SPATA18: variants seen among roughly 807,000 people sequenced by gnomAD.
SPATA18 encodes spermatogenesis associated 18.
SPATA18 carries 54 observed loss-of-function variants against 68.1 expected under a neutral mutation model. That is an observed-to-expected ratio of 0.79 (90% CI 0.64 to 0.99). The LOEUF (loss-of-function observed/expected upper bound fraction) is 0.99. Among genes scored for constraint, SPATA18 ranks in the 50% least tolerant of loss-of-function variants. SPATA18 has a pLI of 0.00. For missense variants in SPATA18, 724 were observed against 681.1 expected (o/e 1.06, Z -0.70); for synonymous variants, 242 against 244.8 (o/e 0.99, Z 0.11).
At chr4:52,068,372 G>A (rs1432117973) in intron 4 of SPATA18, among the ~76,000 whole-genome samples, 3 of 152,062 alleles carry the variant, frequency 2.0e-5, no homozygotes, top group Admixed American at 1.3e-4. Context: ...AACTGTTTAG[G>A]TACTGGGGAT....
chr4:52,096,083 A>G lies in SPATA18; in HGVS notation c.*1196A>G, dbSNP rs1245074486. Reference sequence around the variant, plus strand: ...CAGCACCTGATGCTTTTCAGGTGAAAATAAAACAAACAGCTTCTCTAAAGC... The same window carrying G: ...CAGCACCTGATGCTTTTCAGGTGAAGATAAAACAAACAGCTTCTCTAAAGC... On this transcript the variant is annotated 3_prime_UTR_variant, in exon 13 of 13. Transcript: ENST00000295213. 6.6e-6 allele frequency: 1 copy of G among 152,180 alleles called. No homozygotes were observed. The highest frequency in any genetic ancestry group is 1.5e-5 in the Non-Finnish European group (1 of 68,042). The allele number at this position is 152,180 out of a possible 1,614,324, so 9.4% of individuals were successfully genotyped here. A position where few individuals can be genotyped will look rare whatever the true frequency, so the allele number is the denominator to read the frequency against.
At position 52,076,723 on chromosome 4, in the gene SPATA18, C is replaced by T. The variant is rs1197715417; in HGVS notation, c.759-56C>T. 37 of 1,592,586 alleles carry T rather than the reference C, an allele frequency of 2.3e-5. No individual in the cohort carries two copies. In the Admixed American group the frequency reaches 5.8e-4, roughly 25 times the overall value. On this transcript the variant is annotated intron_variant, in intron 6 of 12. Transcript: ENST00000295213. ...TTCATTGGCCACCAGATGATCTTTGCTTTACTTAAGAAGCAAATCAAAGGA... is the reference window on the plus strand; with the variant it reads ...TTCATTGGCCACCAGATGATCTTTGTTTTACTTAAGAAGCAAATCAAAGGA...
intron 1 of SPATA18, among the ~76,000 whole-genome samples, chr4:52,053,049 G>A (rs1738035858): frequency 6.6e-6 from 1 of 152,134 alleles, no homozygotes; most frequent in Non-Finnish European, 1.5e-5. Flanking sequence ...CTACTACTTA[G>A]TCTCAGGAGG....
intron 6 of SPATA18, among the ~76,000 whole-genome samples, chr4:52,072,873 A>T (rs973561354): frequency 6.6e-6 from 1 of 152,192 alleles, no homozygotes; most frequent in Non-Finnish European, 1.5e-5. Flanking sequence ...TTTCCCTTTT[A>T]TATCTGACTT....
chr4:52,084,272 C>G (rs534097045), intron 10 of SPATA18, among the ~76,000 whole-genome samples: 7 of 152,256 alleles, frequency 4.6e-5, no homozygotes, highest in African/African-American at 1.7e-4. Context: ...CTTCCTTCTT[C>G]TCTCCCATCA....
intron 11 of SPATA18, among the ~76,000 whole-genome samples, 188 bp downstream of exon 11, chr4:52,085,187 G>A (rs1052532696): frequency 6.6e-6 from 1 of 152,070 alleles, no homozygotes; most frequent in Non-Finnish European, 1.5e-5. Context: ...CTAGAAAGGA[G>A]TAGAGTTTTA....
Position 52,072,050 on chromosome 4 carries a change from G to T in SPATA18, c.652G>T (p.Ala218Ser). Reference sequence around the variant, plus strand: ...GCAGTGGAACTCACTCAAGCAGAATGCAGACCAGCAGGACACAGAAGCCAT... The same window carrying T: ...GCAGTGGAACTCACTCAAGCAGAATTCAGACCAGCAGGACACAGAAGCCAT... ...REQWNSLKQNADQQDTEAMSD... is the reference protein window; with the variant it reads ...REQWNSLKQNSDQQDTEAMSD... The change falls in exon 6 of 13, where the codon GCA becomes TCA. Residue 218 changes from alanine (A) to serine (S), a missense_variant. By Grantham distance (99) the Ala-to-Ser change is moderately conservative (BLOSUM62 1). Coordinates refer to ENST00000295213, the MANE Select transcript of SPATA18 (RefSeq NM_145263.4). The T allele has an allele frequency of 6.2e-7, 1 of 1,613,964 alleles. No homozygotes were observed. Among genetic ancestry groups the T allele is most frequent in the Non-Finnish European group, 8.5e-7 (1 of 1,180,014 alleles).
Position 52,071,959 on chromosome 4 carries a change from C to G in SPATA18, c.561C>G (p.Asn187Lys). ...CTCAGGAGGATGCCCGCCACAGAAA[C>G]ACAGATCAGAGGAGCTCAGAGAATA... ...LQAQEDARHR[N>K]TDQRSSENRR... is the part of the protein sequence containing the mutation. Residue 187 changes from asparagine to lysine, a missense_variant, in exon 6 of 13, where the codon AAC becomes AAG. Coordinates refer to ENST00000295213, the MANE Select transcript of SPATA18 (RefSeq NM_145263.4). The G allele has an allele frequency of 6.2e-7, 1 of 1,613,780 alleles. No homozygotes were observed. The highest frequency in any genetic ancestry group is 8.5e-7 in the Non-Finnish European group (1 of 1,179,946).
At chr4:52,071,159 C>T (rs1167702643) in intron 5 of SPATA18, among the ~76,000 whole-genome samples, 1 of 152,186 alleles carries the variant, frequency 6.6e-6, no homozygotes, top group East Asian at 1.9e-4. Flanking sequence ...TCTATTATAT[C>T]TTTAGCTTCT....
Position 52,076,815 on chromosome 4 carries a change from C to A in SPATA18, c.795C>A (p.Arg265=). The A allele has an allele frequency of 6.2e-7, 1 of 1,614,154 alleles. No homozygotes were observed. Among genetic ancestry groups the A allele is most frequent in the Non-Finnish European group, 8.5e-7 (1 of 1,179,994 alleles). Residue 265 remains arginine, a synonymous_variant, in exon 7 of 13, where the codon CGC becomes CGA. Transcript: ENST00000295213. The part of the protein sequence containing the change: ...SRSRSPSPAP[R]SRSCSRSRSA... ...GCCGGTCTCCCAGCCCTGCCCCTCGCAGCCGTAGCTGCAGCCGCAGCAGAT... is the reference window on the plus strand; with the variant it reads ...GCCGGTCTCCCAGCCCTGCCCCTCGAAGCCGTAGCTGCAGCCGCAGCAGAT...
At chr4:52,084,501 T>G (rs1741247962) in intron 10 of SPATA18, among the ~76,000 whole-genome samples, 1 of 152,316 alleles carries the variant, frequency 6.6e-6, no homozygotes, top group South Asian at 2.1e-4. Context: ...CCAATGATAT[T>G]TATTTATTCA....
At chr4:52,090,765 T>C (rs1741868393) in intron 11 of SPATA18, among the ~76,000 whole-genome samples, 1 of 152,178 alleles carries the variant, frequency 6.6e-6, no homozygotes, top group Non-Finnish European at 1.5e-5. Context: ...TTATGTGTCT[T>C]GGGGTTGCTC....
intron 10 of SPATA18, 30 bp from the exon 11 acceptor site, chr4:52,084,886 A>G (rs2109512702): frequency 6.2e-7 from 1 of 1,604,044 alleles, no homozygotes; most frequent in East Asian, 2.2e-5. Context: ...ACTCCTGACT[A>G]TGTCTCTCTC....
intron 9 of SPATA18, among the ~76,000 whole-genome samples, chr4:52,080,634 G>C (rs569397111): frequency 3.3e-5 from 5 of 152,236 alleles, no homozygotes; most frequent in African/African-American, 1.2e-4. Flanking sequence ...AAGCTGCTTA[G>C]GTTCAAATTT....
chr4:52,095,198 A>T lies in SPATA18; in HGVS notation c.*311A>T, dbSNP rs1021829365. The T allele has an allele frequency of 9.5e-6, 4 of 422,850 alleles. No homozygotes were observed. The highest frequency in any genetic ancestry group is 1.7e-5 in the Non-Finnish European group (4 of 238,442). The allele number at this position is 422,850 out of a possible 1,614,324, so 26.2% of individuals were successfully genotyped here. A position where few individuals can be genotyped will look rare whatever the true frequency, so the allele number is the denominator to read the frequency against. ...TTCAAGATTTCCATCTCAAAACACT[A>T]CGCTCTTTTATGGGAACTGTGTGAA... is the stretch of plus-strand genomic sequence containing the variant. On this transcript the variant is annotated 3_prime_UTR_variant, in exon 13 of 13. Coordinates refer to ENST00000295213, the MANE Select transcript of SPATA18 (RefSeq NM_145263.4).
rs2109391866 is a variant in SPATA18, at chr4:52,051,527, G to A, written c.-178G>A. The A allele has an allele frequency of 3.1e-6, 2 of 635,226 alleles. No individual in the cohort carries two copies. Among genetic ancestry groups the A allele is most frequent in the Non-Finnish European group, 2.8e-6 (1 of 363,026 alleles). 39.3% of individuals were successfully genotyped at this position (635,226 alleles called of 1,614,324 possible). On this transcript the variant is annotated 5_prime_UTR_variant, in exon 1 of 13. Transcript: ENST00000295213. The stretch of plus-strand genomic sequence containing the variant: ...CTGCGGCCCAGGGCACCTCCCCTCT[G>A]GCTTCCCGAACCCGGCCAGGTCCGA...
chr4:52,075,410 T>C (rs1385755063), intron 6 of SPATA18, among the ~76,000 whole-genome samples: 8 of 152,198 alleles, frequency 5.3e-5, no homozygotes, highest in Admixed American at 5.2e-4. Context: ...CTCCTGATTA[T>C]TGAAAATCTT....
At chr4:52,085,039 A>G (rs1268583152) in intron 11 of SPATA18, 40 bp downstream of exon 11, 29 of 1,409,960 alleles carry the variant, frequency 2.1e-5, no homozygotes, top group Non-Finnish European at 2.6e-5. Context: ...AAATTCATCT[A>G]TGGTTGGCTT....
At chr4:52,076,756 G>C (rs772907521) in intron 6 of SPATA18, 23 bp from the exon 7 acceptor site, 1 of 1,608,214 alleles carries the variant, frequency 6.2e-7, no homozygotes, top group Admixed American at 1.7e-5. Flanking sequence ...GGATTTCCCT[G>C]GCTGATTCTC....
Sources: gnomAD v4.1 joint callset for allele counts (sites outside exome capture counted in the v4.1 genomes callset) on GRCh38, gnomAD v4.1.1 for gene constraint, MANE v1.5 for transcripts, NCBI Gene and HGNC (gene_info 2026-07-23, HGNC 2026-07-21) for gene names.